The following STK40 variants were observed in gnomAD, a reference collection of about 807,000 sequenced individuals.
STK40 encodes serine/threonine-protein kinase 40.
In STK40, 13 loss-of-function variants were observed where a neutral mutation model predicts 47.9. That is an observed-to-expected ratio of 0.27 (90% CI 0.18 to 0.43). The LOEUF is 0.43. Among genes scored for constraint, STK40 ranks in the 20% least tolerant of loss-of-function variants. The pLI, the probability that STK40 is intolerant of heterozygous loss-of-function variation, is 1.00. For missense variants in STK40, 460 were observed against 595.1 expected, an observed-to-expected ratio of 0.77 and a Z score of 2.36; for synonymous variants, 225 against 243.2, an observed-to-expected ratio of 0.93 and a Z score of 0.69.
chr1:36,371,715 A>C (rs35659844), intron 1 of STK40, among the ~76,000 whole-genome samples: 1 of 127,476 alleles, frequency 7.8e-6, no homozygotes, highest in Admixed American at 8.1e-5. Flanking sequence ...AAAAAAAAGG[A>C]CTGCGTGCGG....
At chr1:36,364,598 T>C (rs1426882913) in intron 1 of STK40, among the ~76,000 whole-genome samples, 2 of 152,182 alleles carry the variant, frequency 1.3e-5, no homozygotes, top group Non-Finnish European at 1.5e-5. Flanking sequence ...TTAGAAACTC[T>C]TTCTATGTAA....
Position 36,341,637 on chromosome 1 carries a change from G to C in STK40, c.*118C>G, listed in dbSNP as rs1570429630. On this transcript the variant is annotated 3_prime_UTR_variant, in exon 11 of 11. Transcript: ENST00000373132. Reference sequence around the variant, plus strand: ...TGTGACCTGGGCTGTCCCTGTCCCTGCCCTGTCCCTATTGTGGCCCGGGAG... The same window carrying C: ...TGTGACCTGGGCTGTCCCTGTCCCTCCCCTGTCCCTATTGTGGCCCGGGAG... 3.9e-6 allele frequency: 5 copies of C among 1,284,078 alleles called. No individual in the cohort carries two copies. Among genetic ancestry groups the C allele is most frequent in the Middle Eastern group, 2.7e-4 (1 of 3,682 alleles). 79.5% of individuals were successfully genotyped at this position (1,284,078 alleles called of 1,614,324 possible). A position where few individuals can be genotyped will look rare whatever the true frequency, so the allele number is the denominator to read the frequency against.
chr1:36,357,876 C>T (rs1646818764), intron 4 of STK40, among the ~76,000 whole-genome samples: 2 of 152,184 alleles, frequency 1.3e-5, no homozygotes, highest in African/African-American at 2.4e-5. Flanking sequence ...CGGCTTCCCA[C>T]GTTGCTGGGA....
intron 1 of STK40, among the ~76,000 whole-genome samples, chr1:36,375,599 T>C (rs1032121246): frequency 1.3e-5 from 2 of 152,134 alleles, no homozygotes; most frequent in African/African-American, 4.8e-5. Flanking sequence ...CAGACCTAGG[T>C]GCTGCGCTTC....
intron 1 of STK40, among the ~76,000 whole-genome samples, chr1:36,380,198 AC>A (rs1394554117): frequency 6.6e-6 from 1 of 152,198 alleles, no homozygotes; most frequent in Non-Finnish European, 1.5e-5. Flanking sequence ...TCAGAGTCTC[AC>A]CTGAGCAGGT....
At position 36,339,703 on chromosome 1, in the gene STK40, C is replaced by G. The variant is rs1226860617; in HGVS notation, c.*2052G>C. 3.3e-5 allele frequency: 5 copies of G among 152,698 alleles called. No homozygotes were observed. The highest frequency in any genetic ancestry group is 3.3e-4 in the Admixed American group (5 of 15,288). 9.5% of individuals were successfully genotyped at this position (152,698 alleles called of 1,614,324 possible). A position where few individuals can be genotyped will look rare whatever the true frequency, so the allele number is the denominator to read the frequency against. On this transcript the variant is annotated 3_prime_UTR_variant, in exon 11 of 11. Transcript: ENST00000373132. ...GTACAAAAATATGTCTTTATACAAA[C>G]TTTTTTGTGACTTTTTCCGTTTCTT...
intron 1 of STK40, chr1:36,367,898 C>CTT: frequency 5.3e-5 from 52 of 985,492 alleles, no homozygotes; most frequent in Non-Finnish European, 6.0e-5. Flanking sequence ...CCGCCAGCCT[C>CTT]CCTGAATGGG....
rs1216839406 is a variant in STK40 at position 36,382,956 on chromosome 1, C to CT, written c.-9+2766dup. On this transcript the variant is annotated intron_variant, in intron 1 of 10. Coordinates refer to ENST00000373132, the MANE Select transcript of STK40 (RefSeq NM_001282547.2). ...CTGTCTGATGGCAGAGCCAAATAAGCTTTTTTTTTGAGACAGAGTTTCGCT... is the reference window on the plus strand; with the variant it reads ...CTGTCTGATGGCAGAGCCAAATAAGCTTTTTTTTTTGAGACAGAGTTTCGCT... 8.5e-4 allele frequency among the ~76,000 whole-genome samples: 128 copies of CT among 151,414 alleles called. 1 individual carries two copies. Among genetic ancestry groups the CT allele is most frequent in the African/African-American group, 2.5e-3 (105 of 41,264 alleles).
At chr1:36,356,793 A>G (rs1320550509) in intron 4 of STK40, among the ~76,000 whole-genome samples, 1 of 152,184 alleles carries the variant, frequency 6.6e-6, no homozygotes, top group East Asian at 1.9e-4. Flanking sequence ...TCTGGCACAC[A>G]AACAGTACAC....
At chr1:36,354,918 C>T (rs146423781) in intron 5 of STK40, among the ~76,000 whole-genome samples, 3 of 152,258 alleles carry the variant, frequency 2.0e-5, no homozygotes, top group African/African-American at 7.2e-5. Context: ...ATCTCACTGT[C>T]ATCACTACAT....
At chr1:36,345,602 C>T (rs1297173280) in intron 7 of STK40, among the ~76,000 whole-genome samples, 1 of 152,204 alleles carries the variant, frequency 6.6e-6, no homozygotes, top group African/African-American at 2.4e-5. Flanking sequence ...GGACAGCCCC[C>T]TTTTCCTAGA....
chr1:36,361,384 A>C (rs1646851121), intron 1 of STK40, 44 bp from the exon 2 acceptor site: 2 of 1,611,088 alleles, frequency 1.2e-6, no homozygotes, highest in Non-Finnish European at 8.5e-7. Context: ...TAAGTCAGCG[A>C]GTTTCCTTAT....
At chr1:36,346,968 G>A (rs1646707962) in intron 7 of STK40, among the ~76,000 whole-genome samples, 2 of 152,212 alleles carry the variant, frequency 1.3e-5, no homozygotes, top group Non-Finnish European at 1.5e-5. Flanking sequence ...CTGGGCCATG[G>A]GGGTGGTGCC....
chr1:36,359,988 C>T lies in STK40; in HGVS notation c.113-1166G>A, dbSNP rs117622367. On this transcript the variant is annotated intron_variant, in intron 2 of 10. Coordinates refer to ENST00000373132, the MANE Select transcript of STK40 (RefSeq NM_001282547.2). ...GGTGTCAGCTCATATGGTGTTTCCT[C>T]ATAAACAGGCCTTTCTTGCCTGCCC... is the stretch of plus-strand genomic sequence containing the variant. Among the ~76,000 whole-genome samples, 134 of 152,322 alleles carry T rather than the reference C, an allele frequency of 8.8e-4. 3 individuals are homozygous for T. The East Asian group carries it at 0.018, about 20-fold the overall frequency.
At chr1:36,342,282 G>A (rs752177620) in intron 10 of STK40, 10 of 393,320 alleles carry the variant, frequency 2.5e-5, no homozygotes, top group Non-Finnish European at 4.3e-5. Context: ...CTGGCCCCTC[G>A]CAAAGGTTCT....
chr1:36,356,135 A>G (rs561243766), intron 4 of STK40, among the ~76,000 whole-genome samples: 5 of 152,074 alleles, frequency 3.3e-5, no homozygotes, highest in Non-Finnish European at 7.4e-5. Context: ...TCTTTCCCCC[A>G]CAGCCCAAGA....
intron 2 of STK40, among the ~76,000 whole-genome samples, chr1:36,360,851 G>A (rs1646846121): frequency 6.6e-6 from 1 of 152,128 alleles, no homozygotes; most frequent in South Asian, 2.1e-4. Context: ...CCAGAGCTTG[G>A]GTTCTAATGC....
At chr1:36,359,633 C>T (rs771800438) in intron 2 of STK40, among the ~76,000 whole-genome samples, 3 of 152,244 alleles carry the variant, frequency 2.0e-5, no homozygotes, top group Admixed American at 6.5e-5. Flanking sequence ...TCTGATGTCA[C>T]AGTGCCACTG....
intron 1 of STK40, among the ~76,000 whole-genome samples, chr1:36,370,717 C>T (rs12741632): frequency 0.21 from 32,278 of 152,060 alleles, 4,411 homozygotes; most frequent in Admixed American, 0.36. Context: ...TTACACATGG[C>T]TTTATAGTTT....
Sources: gnomAD v4.1 joint callset for allele counts (sites outside exome capture counted in the v4.1 genomes callset) on GRCh38, gnomAD v4.1.1 for gene constraint, MANE v1.5 for transcripts, NCBI Gene and HGNC (gene_info 2026-07-23, HGNC 2026-07-21) for gene names.